KIAA1217: variants seen among roughly 807,000 people sequenced by gnomAD.
KIAA1217 encodes sickle tail protein homolog.
Under a neutral mutation model 163.9 loss-of-function variants are expected in KIAA1217, and 88 were observed. That is an observed-to-expected ratio of 0.54 (90% confidence interval 0.45 to 0.64). The LOEUF is 0.64. Ranked by LOEUF, KIAA1217 falls within the 30% of genes least tolerant of loss-of-function variation. KIAA1217 has a pLI of 0.00. For missense variants in KIAA1217, 2,372 were observed against 2,475.0 expected, an observed-to-expected ratio of 0.96 and a Z score of 0.88; for synonymous variants, 903 against 923.1, an observed-to-expected ratio of 0.98 and a Z score of 0.39.
At chr10:24,123,340 T>C (rs1290921147) in intron 2 of KIAA1217, among the ~76,000 whole-genome samples, 1 of 152,178 alleles carries the variant, frequency 6.6e-6, no homozygotes, top group East Asian at 1.9e-4. Flanking sequence ...CCATTTATTG[T>C]AATTGCAGGA....
chr10:24,174,750 G>T (rs1163522487), intron 2 of KIAA1217, among the ~76,000 whole-genome samples: 1 of 152,142 alleles, frequency 6.6e-6, no homozygotes, highest in African/African-American at 2.4e-5. Context: ...TTGTGGGGGA[G>T]CAGGTGGTCT....
At chr10:24,069,520 G>A (rs564234523) in intron 2 of KIAA1217, among the ~76,000 whole-genome samples, 1 of 152,248 alleles carries the variant, frequency 6.6e-6, no homozygotes, top group Admixed American at 6.5e-5. Flanking sequence ...TTGGATGTGT[G>A]GTTCAAATCT....
At chr10:24,096,343 C>T (rs1564696616) in intron 2 of KIAA1217, among the ~76,000 whole-genome samples, 1 of 152,176 alleles carries the variant, frequency 6.6e-6, no homozygotes, top group Non-Finnish European at 1.5e-5. Context: ...TTTCTACTAA[C>T]TTCAGTGGCA....
intron 1 of KIAA1217, among the ~76,000 whole-genome samples, chr10:23,814,458 A>G (rs1837224115): frequency 6.6e-6 from 1 of 152,176 alleles, no homozygotes; most frequent in Non-Finnish European, 1.5e-5. Flanking sequence ...CTAGCTTCTC[A>G]ATATATGTTA....
At chr10:24,508,928 A>G (rs1423236564) in intron 9 of KIAA1217, among the ~76,000 whole-genome samples, 1 of 152,162 alleles carries the variant, frequency 6.6e-6, no homozygotes, top group African/African-American at 2.4e-5. Context: ...GTCTCAAAGG[A>G]ATTTTTTAGG....
intron 2 of KIAA1217, among the ~76,000 whole-genome samples, chr10:24,171,016 G>A (rs969711582): frequency 9.2e-5 from 14 of 152,172 alleles, no homozygotes; most frequent in African/African-American, 3.1e-4. Flanking sequence ...TCTCTAAATG[G>A]CATCAGCAAA....
chr10:24,484,241 A>ATATTT (rs1376083298), intron 6 of KIAA1217, among the ~76,000 whole-genome samples: 4 of 75,156 alleles, frequency 5.3e-5, no homozygotes, highest in Non-Finnish European at 7.5e-5. Context: ...ATATATATAT[A>ATATTT]TTTTTTTTTT....
chr10:24,437,240 A>G (rs1353117211), intron 4 of KIAA1217, among the ~76,000 whole-genome samples: 1 of 152,058 alleles, frequency 6.6e-6, no homozygotes, highest in Non-Finnish European at 1.5e-5. Context: ...TCCCCTTCAT[A>G]TTCACCCAGC....
At chr10:23,985,016 G>A (rs560456931) in intron 1 of KIAA1217, among the ~76,000 whole-genome samples, 1 of 152,048 alleles carries the variant, frequency 6.6e-6, no homozygotes, top group Admixed American at 6.5e-5. Context: ...TTTGGGACAT[G>A]GCTCTCTATA....
rs1368746011 is a variant in KIAA1217 at position 23,792,418 on chromosome 10, G to A, written c.-321+97184G>A. ...AAACTTTCCGCATATTAGTCTTTTT[G>A]AATGGACCTAACTTGAATGTCATTA... On this transcript the variant is annotated intron_variant, in intron 1 of 18. Coordinates refer to the KIAA1217 transcript ENST00000376462. Among the ~76,000 whole-genome samples, 4 of 152,102 alleles carry A rather than the reference G, an allele frequency of 2.6e-5. No individual in the cohort carries two copies. In the East Asian group the frequency reaches 7.7e-4, roughly 29 times the overall value.
chr10:24,191,474 G>A (rs1163049794), intron 2 of KIAA1217, among the ~76,000 whole-genome samples: 1 of 151,968 alleles, frequency 6.6e-6, no homozygotes, highest in African/African-American at 2.4e-5. Flanking sequence ...TAACACAAAG[G>A]ATAAATGGTG....
intron 2 of KIAA1217, among the ~76,000 whole-genome samples, chr10:24,148,774 C>A (rs2064462723): frequency 6.6e-6 from 1 of 152,140 alleles, no homozygotes; most frequent in African/African-American, 2.4e-5. Flanking sequence ...ATTATCCAGT[C>A]TCAAGTATTC....
intron 2 of KIAA1217, among the ~76,000 whole-genome samples, chr10:24,262,854 G>A (rs2075857995): frequency 6.6e-6 from 1 of 151,952 alleles, no homozygotes; most frequent in Non-Finnish European, 1.5e-5. Flanking sequence ...GGAGGCTGAG[G>A]TGGGAGGATT....
At chr10:24,539,328 A>C (rs34308691) in intron 17 of KIAA1217, among the ~76,000 whole-genome samples, 6,757 of 151,976 alleles carry the variant, frequency 0.044, 201 homozygotes, top group Non-Finnish European at 0.065. Context: ...TCCCCGGTTC[A>C]AGTGATTCTC....
At chr10:24,147,025 A>C (rs1021669804) in intron 2 of KIAA1217, among the ~76,000 whole-genome samples, 5 of 151,922 alleles carry the variant, frequency 3.3e-5, no homozygotes, top group African/African-American at 1.2e-4. Flanking sequence ...AAAAAAAAAA[A>C]AAAAAACAGT....
In KIAA1217 at chr10:24,261,946, G is replaced by A. The variant is rs576792925; in HGVS notation, c.354+42037G>A. On this transcript the variant is annotated intron_variant, in intron 2 of 20. Transcript: ENST00000376454. Reference sequence around the variant, plus strand: ...ATCAGTATTTTACATACAAGGACTCGATTTCACAGAAAACCCTTCTCAATG... The same window carrying A: ...ATCAGTATTTTACATACAAGGACTCAATTTCACAGAAAACCCTTCTCAATG... 7.2e-5 allele frequency among the ~76,000 whole-genome samples: 11 copies of A among 152,258 alleles called. No individual in the cohort carries two copies. The South Asian group carries it at 1.7e-3, about 23-fold the overall frequency.
intron 2 of KIAA1217, among the ~76,000 whole-genome samples, chr10:24,162,966 A>G (rs1055104350): frequency 1.3e-5 from 2 of 152,206 alleles, no homozygotes; most frequent in African/African-American, 4.8e-5. Context: ...AAAAAGACCA[A>G]TATGGCAGCC....
At chr10:23,866,812 C>A (rs1221884642) in intron 1 of KIAA1217, among the ~76,000 whole-genome samples, 1 of 151,926 alleles carries the variant, frequency 6.6e-6, no homozygotes, top group Non-Finnish European at 1.5e-5. Context: ...CTCTTTGGTG[C>A]GATCTCAGGA....
At chr10:24,083,992 A>C (rs2061615013) in intron 2 of KIAA1217, among the ~76,000 whole-genome samples, 1 of 152,220 alleles carries the variant, frequency 6.6e-6, no homozygotes, top group Admixed American at 6.5e-5. Flanking sequence ...CTAAGAGCTA[A>C]GAAAATATTA....
Sources: allele counts gnomAD v4.1 joint callset (sites outside exome capture counted in the v4.1 genomes callset), GRCh38; gene constraint gnomAD v4.1.1; transcripts MANE v1.5; gene names NCBI Gene and HGNC (gene_info 2026-07-23, HGNC 2026-07-21).